REV3L: variants seen among roughly 807,000 people sequenced by gnomAD.
The protein encoded by REV3L is DNA polymerase zeta catalytic subunit.
Under a neutral mutation model 299.4 loss-of-function variants are expected in REV3L, and 69 were observed. The ratio of observed to expected loss-of-function variants is 0.23; its 90% CI spans 0.19 to 0.28. REV3L has a LOEUF of 0.28. Ranked by LOEUF, REV3L falls within the 10% of genes least tolerant of loss-of-function variation. The pLI, the probability that REV3L is intolerant of heterozygous loss-of-function variation, is 1.00. For synonymous variants in REV3L, 1,238 were observed against 1,271.4 expected, an observed-to-expected ratio of 0.97 and a Z score of 0.56; for missense variants, 3,128 against 3,693.8, an observed-to-expected ratio of 0.85 and a Z score of 3.97.
At chr6:111,432,883 A>G (rs966966649) in intron 1 of REV3L, among the ~76,000 whole-genome samples, 8 of 152,326 alleles carry the variant, frequency 5.3e-5, no homozygotes, top group African/African-American at 1.9e-4. Context: ...CTAGAAATTA[A>G]TAACAAAAGG....
intron 29 of REV3L, 189 bp downstream of exon 29, chr6:111,310,880 C>T: frequency 2.3e-6 from 1 of 436,460 alleles, no homozygotes; most frequent in South Asian, 8.9e-5. Flanking sequence ...AAGGAAAGCC[C>T]AAAAGAGGAT....
At chr6:111,329,264 G>C (rs1775142341) in intron 25 of REV3L, among the ~76,000 whole-genome samples, 1 of 148,916 alleles carries the variant, frequency 6.7e-6, no homozygotes, top group Admixed American at 6.7e-5. Flanking sequence ...CGCTGGTCGC[G>C]ACTCCTGACC....
At chr6:111,427,499 C>T (rs1352071484) in intron 1 of REV3L, among the ~76,000 whole-genome samples, 2 of 152,170 alleles carry the variant, frequency 1.3e-5, no homozygotes, top group Non-Finnish European at 2.9e-5. Context: ...AAATACAGTG[C>T]TGACACGATC....
At chr6:111,389,552 A>G (rs956543109) in intron 6 of REV3L, among the ~76,000 whole-genome samples, 9 of 152,098 alleles carry the variant, frequency 5.9e-5, no homozygotes, top group Non-Finnish European at 1.3e-4. Flanking sequence ...TGTCACACTT[A>G]TTTTAGTATC....
chr6:111,467,706 T>C (rs753996749), intron 1 of REV3L, among the ~76,000 whole-genome samples: 17 of 152,224 alleles, frequency 1.1e-4, no homozygotes, highest in Non-Finnish European at 1.3e-4. Context: ...TGAAGTACTA[T>C]ATAGGAGAAT....
chr6:111,483,041 G>T lies in REV3L; in HGVS notation c.-153C>A. 1 of 1,004,170 alleles carries T rather than the reference G, an allele frequency of 1.0e-6. No individual in the cohort carries two copies. Among genetic ancestry groups the T allele is most frequent in the Non-Finnish European group, 1.3e-6 (1 of 748,824 alleles). The allele number at this position is 1,004,170 out of a possible 1,614,324, so 62.2% of individuals were successfully genotyped here. ...AGAGGCACCTCGAGGAGCGGCGGGCGGGGCGGTGTAGGCGCTGCTGCCGCC... is the reference window on the plus strand; with the variant it reads ...AGAGGCACCTCGAGGAGCGGCGGGCTGGGCGGTGTAGGCGCTGCTGCCGCC... On this transcript the variant is annotated 5_prime_UTR_variant, in exon 1 of 32. Coordinates refer to ENST00000368802, the MANE Select transcript of REV3L (RefSeq NM_001372078.1).
intron 1 of REV3L, among the ~76,000 whole-genome samples, chr6:111,474,540 A>G (rs1430074746): frequency 1.3e-5 from 2 of 152,208 alleles, no homozygotes; most frequent in Non-Finnish European, 2.9e-5. Context: ...TATCAAAAGG[A>G]GCAGTATGCT....
In REV3L at chr6:111,376,749, A is replaced by G. The variant is rs1244159844; in HGVS notation, c.1606T>C (p.Leu536=). The G allele has an allele frequency of 1.9e-6, 3 of 1,573,188 alleles. No homozygotes were observed. The highest frequency in any genetic ancestry group is 1.2e-5 in the South Asian group (1 of 85,376). ...GTADENSDNP[L]NNENSRTHSS... is the part of the protein sequence containing the mutation. ...TGGGTTCTAGAATTTTCATTGTTCA[A>G]TGGATTGTCTGAAATGAGGAGGGAA... The change falls in exon 13 of 32, where the codon TTG becomes CTG. Residue 536 remains leucine (L), a synonymous_variant. Coordinates refer to ENST00000368802, the MANE Select transcript of REV3L (RefSeq NM_001372078.1).
chr6:111,300,002 G>GTGAT lies in REV3L; in HGVS notation c.*10_*13dup. On this transcript the variant is annotated 3_prime_UTR_variant, in exon 32 of 32. Coordinates refer to ENST00000368802, the MANE Select transcript of REV3L (RefSeq NM_001372078.1). ...TGAAAAAAATAGCACCTGTAATACT[G>GTGAT]TGATATTGACAATTTAAAACTGGTC... is the stretch of plus-strand genomic sequence containing the variant. 1 of 1,608,614 alleles carries GTGAT rather than the reference G, an allele frequency of 6.2e-7. No homozygotes were observed. Among genetic ancestry groups the GTGAT allele is most frequent in the Non-Finnish European group, 8.5e-7 (1 of 1,177,902 alleles).
At position 111,482,829 on chromosome 6, in the gene REV3L, C is replaced by T; in HGVS notation, c.60G>A (p.Leu20=). The change falls in exon 1 of 32, where the codon CTG becomes CTA. Residue 20 remains leucine, a synonymous_variant. Transcript: ENST00000368802. ...DYYMASPLQG[L]DTCQSPLTQA... ...GGGTGAGGGGGGATTGGCAGGTATCCAGCCCCTGCAGCGGGCTGGCCATGT... is the reference window on the plus strand; with the variant it reads ...GGGTGAGGGGGGATTGGCAGGTATCTAGCCCCTGCAGCGGGCTGGCCATGT... 5 of 1,506,470 alleles carry T rather than the reference C, an allele frequency of 3.3e-6. No individual in the cohort carries two copies. The highest frequency in any genetic ancestry group is 3.5e-6 in the Non-Finnish European group (4 of 1,134,676). The allele number at this position is 1,506,470 out of a possible 1,614,324, so 93.3% of individuals were successfully genotyped here. A position where few individuals can be genotyped will look rare whatever the true frequency, so the allele number is the denominator to read the frequency against.
intron 1 of REV3L, among the ~76,000 whole-genome samples, chr6:111,471,718 GT>G (rs1184769678): frequency 6.6e-6 from 1 of 152,210 alleles, no homozygotes; most frequent in African/African-American, 2.4e-5. Context: ...ACAGAAGGCA[GT>G]GGGGTTGAGA....
intron 13 of REV3L, among the ~76,000 whole-genome samples, chr6:111,370,962 ATCTT>A (rs781052631): frequency 2.0e-5 from 3 of 151,768 alleles, no homozygotes; most frequent in Non-Finnish European, 2.9e-5. Context: ...TTCATATTGT[ATCTT>A]TCTTTTTTTT....
At chr6:111,301,111 T>G (rs562635856) in intron 31 of REV3L, among the ~76,000 whole-genome samples, 8 of 152,352 alleles carry the variant, frequency 5.3e-5, no homozygotes, top group African/African-American at 1.9e-4. Flanking sequence ...GTCTGTCTTA[T>G]GCAGTTGTAG....
intron 3 of REV3L, among the ~76,000 whole-genome samples, chr6:111,409,527 T>C (rs900920862): frequency 1.9e-4 from 29 of 152,284 alleles, no homozygotes; most frequent in African/African-American, 7.0e-4. Context: ...CTTAGTATTT[T>C]AGTATAATAA....
chr6:111,474,062 A>C (rs1173471131), intron 1 of REV3L, among the ~76,000 whole-genome samples: 1 of 152,214 alleles, frequency 6.6e-6, no homozygotes, highest in Non-Finnish European at 1.5e-5. Context: ...GGTGAAAAAA[A>C]ATTATCATAT....
intron 1 of REV3L, among the ~76,000 whole-genome samples, chr6:111,448,110 G>A (rs531487047): frequency 3.3e-5 from 5 of 152,122 alleles, no homozygotes; most frequent in African/African-American, 1.2e-4. Flanking sequence ...GCAATCCAAC[G>A]ATCAGGTATA....
At chr6:111,310,876 A>G (rs1331895263) in intron 29 of REV3L, 193 bp downstream of exon 29, 3 of 429,696 alleles carry the variant, frequency 7.0e-6, no homozygotes, top group African/African-American at 4.0e-5. Flanking sequence ...TCTGAAGGAA[A>G]GCCCAAAAGA....
chr6:111,365,376 T>C lies in REV3L; in HGVS notation c.6674-32A>G, dbSNP rs1247745035. On this transcript the variant is annotated intron_variant, in intron 14 of 31. Coordinates refer to ENST00000368802, the MANE Select transcript of REV3L (RefSeq NM_001372078.1). ...AAAGAAATTTAATATTTAACATGTATATCAAAATTACCTGCTTCTGGTTTT... is the reference window on the plus strand; with the variant it reads ...AAAGAAATTTAATATTTAACATGTACATCAAAATTACCTGCTTCTGGTTTT... 5.5e-6 allele frequency: 7 copies of C among 1,271,562 alleles called. No individual in the cohort carries two copies. The South Asian group carries it at 8.4e-5, about 15-fold the overall frequency. 78.8% of individuals were successfully genotyped at this position (1,271,562 alleles called of 1,614,324 possible).
intron 3 of REV3L, among the ~76,000 whole-genome samples, chr6:111,406,504 T>C (rs1783642489): frequency 6.6e-6 from 1 of 152,120 alleles, no homozygotes; most frequent in African/African-American, 2.4e-5. Flanking sequence ...AAATAGGCTG[T>C]TGTGGAAAAA....
Sources: allele counts gnomAD v4.1 joint callset (sites outside exome capture counted in the v4.1 genomes callset), GRCh38; gene constraint gnomAD v4.1.1; transcripts MANE v1.5; gene names NCBI Gene and HGNC (gene_info 2026-07-23, HGNC 2026-07-21).